ANKRD30B: variants seen among roughly 807,000 people sequenced by gnomAD.
ANKRD30B encodes the protein ankyrin repeat domain-containing protein 30B.
ANKRD30B carries 144 observed loss-of-function variants against 202.2 expected under a neutral mutation model. The ratio of observed to expected loss-of-function variants is 0.71; its 90% CI spans 0.62 to 0.82. The LOEUF (loss-of-function observed/expected upper bound fraction) is 0.82, where lower values mean the gene tolerates loss of function less well. Ranked by LOEUF, ANKRD30B falls within the 40% of genes least tolerant of loss-of-function variation. ANKRD30B has a pLI of 0.00. For missense variants in ANKRD30B, 1,487 were observed against 1,669.1 expected (o/e 0.89, Z 1.90); for synonymous variants, 508 against 561.3 (o/e 0.91, Z 1.34).
chr18:14,828,343 A>C, intron 33 of ANKRD30B, 35 bp downstream of exon 33: 16 of 1,422,726 alleles, frequency 1.1e-5, no homozygotes, highest in Non-Finnish European at 1.5e-5. Context: ...CGTATATGTT[A>C]ACTCAGAAAA....
At chr18:14,797,581 T>G in intron 18 of ANKRD30B, 80 bp from the exon 19 acceptor site, 1 of 1,438,518 alleles carries the variant, frequency 7.0e-7, no homozygotes, top group Non-Finnish European at 9.8e-7. Context: ...GGATTCATCT[T>G]CATATTCACA....
At chr18:14,787,555 A>G (rs1473683034) in intron 15 of ANKRD30B, among the ~76,000 whole-genome samples, 1 of 152,218 alleles carries the variant, frequency 6.6e-6, no homozygotes, top group Non-Finnish European at 1.5e-5. Flanking sequence ...ACGTATTGAC[A>G]TATCTTTATT....
At chr18:14,887,647 G>A in the ANKRD30B span, among the ~76,000 whole-genome samples, 2 of 151,526 alleles carry the variant, frequency 1.3e-5, no homozygotes, top group African/African-American at 4.8e-5. Context: ...GTCACAAAGG[G>A]GAAGGAAACT....
At chr18:14,910,635 G>A in the ANKRD30B span, among the ~76,000 whole-genome samples, 155 of 151,882 alleles carry the variant, frequency 1.0e-3, no homozygotes, top group African/African-American at 3.5e-3. Flanking sequence ...CCCTATGAGT[G>A]TATTCCCAAT....
the ANKRD30B span, among the ~76,000 whole-genome samples, chr18:14,904,495 C>T: frequency 6.6e-6 from 1 of 152,122 alleles, no homozygotes; most frequent in South Asian, 2.1e-4. Flanking sequence ...TCCCTCTCTT[C>T]CTCATTCTCC....
intron 7 of ANKRD30B, 104 bp downstream of exon 7, chr18:14,764,194 A>T: frequency 8.1e-7 from 1 of 1,233,498 alleles, no homozygotes; most frequent in Middle Eastern, 2.0e-4. Context: ...ATATCTAAAT[A>T]AGGCAAGCTT....
At chr18:14,806,976 C>T (rs1362362326) in intron 24 of ANKRD30B, among the ~76,000 whole-genome samples, 3 of 150,832 alleles carry the variant, frequency 2.0e-5, no homozygotes, top group South Asian at 2.1e-4. Flanking sequence ...GTAATTAAAG[C>T]GGGTTTTTAT....
the ANKRD30B span, among the ~76,000 whole-genome samples, chr18:14,897,730 A>G: frequency 0.51 from 78,003 of 151,940 alleles, 20,297 homozygotes; most frequent in African/African-American, 0.54. Flanking sequence ...CTCTGTGCCT[A>G]TAGGTCAAAT....
chr18:14,934,908 CCACACACACACACA>C, the ANKRD30B span, among the ~76,000 whole-genome samples: 9 of 134,684 alleles, frequency 6.7e-5, no homozygotes, highest in East Asian at 2.2e-4. Context: ...CCTCCCTCTA[CCACACACACACACA>C]CACACACACA....
chr18:14,876,205 C>T, the ANKRD30B span, among the ~76,000 whole-genome samples: 1 of 151,076 alleles, frequency 6.6e-6, no homozygotes, highest in East Asian at 1.9e-4. Context: ...GAGTTTGGGT[C>T]ACCTTCCCAG....
the ANKRD30B span, chr18:14,888,942 T>G: frequency 2.1e-6 from 2 of 934,990 alleles, no homozygotes; most frequent in Non-Finnish European, 3.2e-6. Context: ...TCCAAATGAT[T>G]TTTAGAGAGG....
At chr18:14,772,009 CATG>C in intron 8 of ANKRD30B, 144 bp from the exon 9 acceptor site, 1 of 419,340 alleles carries the variant, frequency 2.4e-6, no homozygotes, top group South Asian at 9.5e-5. Context: ...TACCAAGAAA[CATG>C]ATATAATATA....
the ANKRD30B span, among the ~76,000 whole-genome samples, chr18:14,899,607 T>C: frequency 6.6e-6 from 1 of 152,162 alleles, no homozygotes; most frequent in African/African-American, 2.4e-5. Context: ...AACTCCAATA[T>C]GATTGTCACA....
the ANKRD30B span, among the ~76,000 whole-genome samples, chr18:14,859,914 A>T: frequency 5.6e-5 from 6 of 106,434 alleles, no homozygotes; most frequent in Non-Finnish European, 1.9e-5. Flanking sequence ...GGCACTCCTC[A>T]CCTACCAGAT....
intron 7 of ANKRD30B, among the ~76,000 whole-genome samples, chr18:14,767,125 T>A (rs1308621210): frequency 6.6e-6 from 1 of 152,218 alleles, no homozygotes. Context: ...TTTTCCAGAA[T>A]TGTCAAAACC....
chr18:14,925,203 G>A, the ANKRD30B span, among the ~76,000 whole-genome samples: 1 of 151,872 alleles, frequency 6.6e-6, no homozygotes, highest in Non-Finnish European at 1.5e-5. Context: ...GATAGAGGCT[G>A]AGGAAGGGAG....
intron 32 of ANKRD30B, among the ~76,000 whole-genome samples, chr18:14,824,547 A>G (rs1970586218): frequency 6.6e-6 from 1 of 151,938 alleles, no homozygotes; most frequent in African/African-American, 2.4e-5. Context: ...AGCTTAGAAT[A>G]ATGATTTCTC....
At chr18:14,751,097 T>C (rs1011688108) in intron 1 of ANKRD30B, among the ~76,000 whole-genome samples, 1 of 152,040 alleles carries the variant, frequency 6.6e-6, no homozygotes, top group African/African-American at 2.4e-5. Context: ...TTTTAGCATC[T>C]TCAGAAGAGA....
At chr18:14,782,366 G>T (rs2143861846) in intron 11 of ANKRD30B, among the ~76,000 whole-genome samples, 161 bp from the exon 12 acceptor site, 1 of 152,338 alleles carries the variant, frequency 6.6e-6, no homozygotes, top group South Asian at 2.1e-4. Context: ...TAGCATATGT[G>T]AGGGTTTCCA....
Sources: allele counts gnomAD v4.1 joint callset (sites outside exome capture counted in the v4.1 genomes callset), GRCh38; gene constraint gnomAD v4.1.1; transcripts MANE v1.5; gene names NCBI Gene and HGNC (gene_info 2026-07-23, HGNC 2026-07-21).